Variants in ZFYVE16 observed in about 807,000 individuals in gnomAD.
ZFYVE16 encodes the protein zinc finger FYVE-type containing 16, also known as zinc finger FYVE domain-containing protein 16.
Under a neutral mutation model 138.1 loss-of-function variants are expected in ZFYVE16, and 89 were observed. That is an observed-to-expected ratio of 0.64 (90% CI 0.54 to 0.77). ZFYVE16 has a LOEUF of 0.77. Among genes scored for constraint, ZFYVE16 ranks in the 30% least tolerant of loss-of-function variants. ZFYVE16 has a pLI of 0.00. For missense variants in ZFYVE16, 1,793 were observed against 1,786.7 expected, an observed-to-expected ratio of 1.00 and a Z score of -0.06; for synonymous variants, 596 against 618.3, an observed-to-expected ratio of 0.96 and a Z score of 0.53.
At position 80,434,259 on chromosome 5, in the gene ZFYVE16, A is replaced by T. The variant is rs150835848; in HGVS notation, c.70+42A>T. 9.8e-4 allele frequency: 1,571 copies of T among 1,598,870 alleles called. 12 individuals are homozygous for T. The African/African-American group carries it at 0.018, about 18-fold the overall frequency. On this transcript the variant is annotated intron_variant, in intron 3 of 18. Coordinates refer to ENST00000505560, the MANE Select transcript of ZFYVE16 (RefSeq NM_001284236.3). ...TTTTTGCCGCTAATGGGATTTAAAA[A>T]TATCTGTAATTAAGTTATCTCAGGT... is the stretch of plus-strand genomic sequence containing the variant.
intron 1 of ZFYVE16, among the ~76,000 whole-genome samples, chr5:80,423,617 G>A (rs1449972796): frequency 1.3e-5 from 2 of 151,922 alleles, no homozygotes; most frequent in Non-Finnish European, 2.9e-5. Context: ...CTCACTGCAA[G>A]CTCCACCTCC....
intron 1 of ZFYVE16, among the ~76,000 whole-genome samples, chr5:80,414,250 A>T (rs896747472): frequency 6.6e-6 from 1 of 152,212 alleles, no homozygotes; most frequent in African/African-American, 2.4e-5. Flanking sequence ...AGATTCAAAC[A>T]CATCTGATAA....
chr5:80,408,819 A>G (rs560769211), intron 1 of ZFYVE16, among the ~76,000 whole-genome samples: 3 of 152,380 alleles, frequency 2.0e-5, no homozygotes, highest in Non-Finnish European at 4.4e-5. Flanking sequence ...TATGAAAACC[A>G]GTCCATACAT....
intron 8 of ZFYVE16, 68 bp downstream of exon 8, chr5:80,448,472 T>C: frequency 7.5e-7 from 1 of 1,327,638 alleles, no homozygotes; most frequent in East Asian, 2.7e-5. Context: ...ATCTGTGACA[T>C]ATGAAATGTA....
chr5:80,441,951 G>A (rs116576019), intron 5 of ZFYVE16: 34,659 of 980,634 alleles, frequency 0.035, 721 homozygotes, highest in Non-Finnish European at 0.039. Context: ...TGAAGTTCAA[G>A]CAGAGAGCAA....
chr5:80,426,272 GTATATATA>G (rs200176812), intron 1 of ZFYVE16, among the ~76,000 whole-genome samples: 314 of 26,460 alleles, frequency 0.012, 3 homozygotes, highest in African/African-American at 0.018. Context: ...GTGTGTGTGT[GTATATATA>G]TATATATATA....
rs763655400 is a variant in ZFYVE16, at chr5:80,448,177, T to C, written c.2876T>C (p.Leu959Ser). ...KLSMNTGNEG[L>S]PTSGSFTLDD... is the part of the protein sequence containing the mutation. ...TCTATGAACACAGGAAATGAGGGGTTACCTACTTCTGGTTCATTTACACTA... is the reference window on the plus strand; with the variant it reads ...TCTATGAACACAGGAAATGAGGGGTCACCTACTTCTGGTTCATTTACACTA... The change falls in exon 8 of 19, where the codon TTA becomes TCA. Residue 959 changes from leucine to serine, a missense_variant. By Grantham distance (145) the Leu-to-Ser change is moderately radical. This residue lies in a region of ZFYVE16 where 1,295 missense variants were observed against 1,204.3 expected (regional missense o/e 1.08). Transcript: ENST00000505560. 1.2e-6 allele frequency: 2 copies of C among 1,613,948 alleles called. No homozygotes were observed. Among genetic ancestry groups the C allele is most frequent in the Non-Finnish European group, 1.7e-6 (2 of 1,179,914 alleles).
intron 15 of ZFYVE16, among the ~76,000 whole-genome samples, chr5:80,461,804 C>T (rs1184654783): frequency 1.3e-5 from 2 of 152,072 alleles, no homozygotes; most frequent in Non-Finnish European, 2.9e-5. Flanking sequence ...AACCTCATCT[C>T]TACTAAAAAT....
rs1219942705 is a variant in ZFYVE16, at chr5:80,482,793, C to T, written c.*5416C>T. 1 of 152,046 alleles carries T rather than the reference C, an allele frequency of 6.6e-6. No homozygotes were observed. The highest frequency in any genetic ancestry group is 2.4e-5 in the African/African-American group (1 of 41,408). 9.4% of individuals were successfully genotyped at this position (152,046 alleles called of 1,614,324 possible). A position where few individuals can be genotyped will look rare whatever the true frequency, so the allele number is the denominator to read the frequency against. On this transcript the variant is annotated 3_prime_UTR_variant, in exon 19 of 19. Transcript: ENST00000505560. ...TTTTAAAAAGCAACAAAACTGTCAA[C>T]ACAGAATCCTTTATCCAGCAAATAT...
At chr5:80,426,293 T>TATATAA (rs1402433567) in intron 1 of ZFYVE16, among the ~76,000 whole-genome samples, 6 of 88,716 alleles carry the variant, frequency 6.8e-5, no homozygotes, top group Admixed American at 4.3e-4. Flanking sequence ...TATATATATA[T>TATATAA]AATTAAATTT....
intron 2 of ZFYVE16, among the ~76,000 whole-genome samples, chr5:80,429,162 C>T (rs979276656): frequency 6.6e-6 from 1 of 152,002 alleles, no homozygotes. Flanking sequence ...GTCAGATTCA[C>T]CAAAATTGAA....
intron 15 of ZFYVE16, among the ~76,000 whole-genome samples, chr5:80,464,054 T>G (rs574029877): frequency 7.9e-4 from 120 of 152,242 alleles, no homozygotes; most frequent in African/African-American, 2.9e-3. Flanking sequence ...TTCCCACATC[T>G]TCCTCTCTTC....
chr5:80,415,859 G>T (rs1001341736), intron 1 of ZFYVE16, among the ~76,000 whole-genome samples: 1 of 151,974 alleles, frequency 6.6e-6, no homozygotes, highest in Non-Finnish European at 1.5e-5. Context: ...GTAGAGACGG[G>T]GTTTCGCCAT....
At chr5:80,472,998 T>G (rs1347921530) in intron 16 of ZFYVE16, 75 bp downstream of exon 16, 3 of 1,272,638 alleles carry the variant, frequency 2.4e-6, no homozygotes, top group Non-Finnish European at 3.2e-6. Context: ...TTAATAAAAT[T>G]AAATATTTTA....
chr5:80,447,503 A>G (rs1032585893), intron 7 of ZFYVE16, among the ~76,000 whole-genome samples: 1 of 152,102 alleles, frequency 6.6e-6, no homozygotes, highest in African/African-American at 2.4e-5. Flanking sequence ...TTTAATACTG[A>G]CTTTGTACAG....
intron 18 of ZFYVE16, among the ~76,000 whole-genome samples, chr5:80,475,633 CCTTG>C (rs1208429169): frequency 1.3e-5 from 2 of 152,184 alleles, no homozygotes; most frequent in East Asian, 1.9e-4. Context: ...ACATTTTTTA[CCTTG>C]CTTCTTTAAT....
intron 3 of ZFYVE16, among the ~76,000 whole-genome samples, chr5:80,435,277 CCCG>C (rs1749723281): frequency 6.6e-6 from 1 of 152,124 alleles, no homozygotes; most frequent in Admixed American, 6.5e-5. Flanking sequence ...TTGTGATCCA[CCCG>C]CCTCAGCCTC....
intron 15 of ZFYVE16, among the ~76,000 whole-genome samples, chr5:80,464,593 T>C (rs1753484062): frequency 6.6e-6 from 1 of 152,248 alleles, no homozygotes. Context: ...TGGCATAACA[T>C]TGTTCATAGT....
intron 2 of ZFYVE16, among the ~76,000 whole-genome samples, chr5:80,429,982 T>C (rs538913730): frequency 6.6e-6 from 1 of 152,130 alleles, no homozygotes; most frequent in Non-Finnish European, 1.5e-5. Flanking sequence ...TCCCACACAA[T>C]AATAATGGGA....
Sources: allele counts gnomAD v4.1 joint callset (sites outside exome capture counted in the v4.1 genomes callset), GRCh38; gene constraint gnomAD v4.1.1; regional missense constraint gnomAD v4.1.1; transcripts MANE v1.5; gene names NCBI Gene and HGNC (gene_info 2026-07-23, HGNC 2026-07-21).